The following CHD1L variants were observed in gnomAD, a reference collection of about 807,000 sequenced individuals.
The protein encoded by CHD1L is chromodomain helicase DNA binding protein 1 like, also known as ATP-dependent chromatin remodeler CHD1L.
In CHD1L, 118 loss-of-function variants were observed where a neutral mutation model predicts 115.9. The observed-to-expected ratio is 1.02, with a 90% confidence interval of 0.88 to 1.19. The LOEUF is 1.19. Ranked by LOEUF, CHD1L falls within the 50% of genes most tolerant of loss-of-function variation. The pLI is 0.00. For missense variants in CHD1L, 1,179 were observed against 1,065.3 expected (o/e 1.11, Z -1.49); for synonymous variants, 411 against 387.1 (o/e 1.06, Z -0.72).
the CHD1L span, among the ~76,000 whole-genome samples, chr1:147,220,907 TCTTA>T: frequency 1.3e-5 from 2 of 150,298 alleles, no homozygotes; most frequent in African/African-American, 4.9e-5. Context: ...AATGCTAATT[TCTTA>T]CTTATAATAA....
At chr1:147,290,998 C>T (rs587600193) in intron 19 of CHD1L, among the ~76,000 whole-genome samples, 3 of 152,266 alleles carry the variant, frequency 2.0e-5, no homozygotes, top group East Asian at 1.9e-4. Flanking sequence ...TGATTCTAAC[C>T]GCTTTCACAT....
intron 1 of CHD1L, among the ~76,000 whole-genome samples, chr1:147,246,340 AAAAAG>A (rs1334441653): frequency 6.6e-6 from 1 of 152,260 alleles, no homozygotes; most frequent in Non-Finnish European, 1.5e-5. Context: ...GCTATTGCCA[AAAAAG>A]AAAAGAAAGA....
At chr1:147,213,237 AATCCTCCC>A in the CHD1L span, 6 of 1,270,114 alleles carry the variant, frequency 4.7e-6, no homozygotes, top group Non-Finnish European at 6.4e-6. Context: ...CTCAGACCAC[AATCCTCCC>A]ATTCCTCAGG....
At chr1:147,273,627 G>C (rs1677133587) in intron 12 of CHD1L, among the ~76,000 whole-genome samples, 1 of 152,140 alleles carries the variant, frequency 6.6e-6, no homozygotes, top group South Asian at 2.1e-4. Flanking sequence ...CGGGAAAACA[G>C]TTTTATTTAT....
the CHD1L span, among the ~76,000 whole-genome samples, chr1:147,192,489 C>T: frequency 4.1e-4 from 63 of 152,040 alleles, 1 homozygote; most frequent in African/African-American, 1.3e-3. Flanking sequence ...TTTTCCTAAT[C>T]GAATACCCTT....
At chr1:147,285,262 G>C in intron 16 of CHD1L, 62 bp from the exon 17 acceptor site, 1 of 1,544,776 alleles carries the variant, frequency 6.5e-7, no homozygotes, top group South Asian at 1.2e-5. Flanking sequence ...TGTGTGTTAG[G>C]GATAATGAAA....
chr1:147,208,522 C>T, the CHD1L span: 2 of 185,922 alleles, frequency 1.1e-5, no homozygotes, highest in African/African-American at 2.4e-5. Flanking sequence ...TCACTGCAAC[C>T]TCTGCCTCCA....
At chr1:147,292,213 G>C (rs1685799026) in intron 20 of CHD1L, among the ~76,000 whole-genome samples, 1 of 152,116 alleles carries the variant, frequency 6.6e-6, no homozygotes, top group African/African-American at 2.4e-5. Context: ...GAGTAAGAAG[G>C]CATGACTCAG....
At chr1:147,268,055 A>G (rs1297769332) in intron 9 of CHD1L, among the ~76,000 whole-genome samples, 3 of 152,152 alleles carry the variant, frequency 2.0e-5, no homozygotes, top group Admixed American at 6.5e-5. Flanking sequence ...TGGCACAGCT[A>G]ATCACTTCTT....
chr1:147,201,270 C>G, the CHD1L span: 1 of 1,614,108 alleles, frequency 6.2e-7, no homozygotes, highest in Non-Finnish European at 8.5e-7. Context: ...GAGGGAAGAC[C>G]TTTTTATACA....
the CHD1L span, among the ~76,000 whole-genome samples, chr1:147,196,124 G>A: frequency 6.6e-6 from 1 of 152,020 alleles, no homozygotes; most frequent in African/African-American, 2.4e-5. Context: ...CCCATATAAT[G>A]GTTTTCACAT....
At chr1:147,259,002 TTTA>T (rs1479096327) in intron 5 of CHD1L, 1 of 152,246 alleles carries the variant, frequency 6.6e-6, no homozygotes, top group Non-Finnish European at 1.5e-5. Context: ...CATAATCATA[TTTA>T]TTATTTAAAA....
chr1:147,223,428 C>G, the CHD1L span: 1 of 152,216 alleles, frequency 6.6e-6, no homozygotes, highest in African/African-American at 2.4e-5. Flanking sequence ...TTTTATGTAG[C>G]TGGCCAACAA....
rs911999483 is a variant in CHD1L, at chr1:147,242,694, T to A, written c.-10T>A. On this transcript the variant is annotated 5_prime_UTR_variant, in exon 1 of 23. Coordinates refer to ENST00000369258, the MANE Select transcript of CHD1L (RefSeq NM_004284.6). ...GCTTGGCCGCGCGGGGCGGGGCCTC[T>A]ACCGGCCCGATGGAGCGCGCGGGCG... is the stretch of plus-strand genomic sequence containing the variant. The A allele has an allele frequency of 1.9e-5, 24 of 1,262,610 alleles. No individual in the cohort carries two copies. In the African/African-American group the frequency reaches 2.8e-4, roughly 14 times the overall value. 78.2% of individuals were successfully genotyped at this position (1,262,610 alleles called of 1,614,324 possible). A position where few individuals can be genotyped will look rare whatever the true frequency, so the allele number is the denominator to read the frequency against.
At chr1:147,232,039 A>G in the CHD1L span, among the ~76,000 whole-genome samples, 1 of 152,112 alleles carries the variant, frequency 6.6e-6, no homozygotes, top group Non-Finnish European at 1.5e-5. Context: ...GGGAGCTGTA[A>G]ACTAGAGCTG....
At chr1:147,253,739 C>T (rs1183516354) in intron 2 of CHD1L, among the ~76,000 whole-genome samples, 1 of 152,222 alleles carries the variant, frequency 6.6e-6, no homozygotes, top group Non-Finnish European at 1.5e-5. Context: ...CTCAAGTGAT[C>T]CTCCTGCCTT....
Position 147,293,681 on chromosome 1 carries a change from A to C in CHD1L, c.2465A>C (p.Glu822Ala). Residue 822 changes from glutamate to alanine, a missense_variant, in exon 21 of 23, where the codon GAG (glutamate) becomes GCG (alanine). By Grantham distance (107) the Glu-to-Ala change is moderately radical. Transcript: ENST00000369258. Reference protein sequence around the residue: ...LSGIKMAALEEGLKKIFLAAK... With the variant: ...LSGIKMAALEAGLKKIFLAAK... The stretch of plus-strand genomic sequence containing the variant: ...GGCATTAAGATGGCAGCCCTAGAAG[A>C]GGGCCTGAAGAAGATATTTTTAGCA... The C allele has an allele frequency of 6.2e-7, 1 of 1,614,156 alleles. No individual in the cohort carries two copies.
At chr1:147,213,478 G>A in the CHD1L span, 2 of 1,593,512 alleles carry the variant, frequency 1.3e-6, no homozygotes, top group Admixed American at 1.7e-5. Flanking sequence ...GGTCTGAAAA[G>A]AAAAGTGATA....
At chr1:147,185,111 T>C in the CHD1L span, among the ~76,000 whole-genome samples, 1 of 152,042 alleles carries the variant, frequency 6.6e-6, no homozygotes, top group Admixed American at 6.5e-5. Context: ...TCTTAAGTTG[T>C]TTTGAGTTCA....
Sources: gnomAD v4.1 joint callset for allele counts (sites outside exome capture counted in the v4.1 genomes callset) on GRCh38, gnomAD v4.1.1 for gene constraint, MANE v1.5 for transcripts, NCBI Gene and HGNC (gene_info 2026-07-23, HGNC 2026-07-21) for gene names.